The following HCN1 variants were observed in gnomAD, a reference collection of about 807,000 sequenced individuals.
HCN1 encodes the protein potassium/sodium hyperpolarization-activated cyclic nucleotide-gated channel 1.
In HCN1, 13 loss-of-function variants were observed where a neutral mutation model predicts 78.9. That is an observed-to-expected ratio of 0.16 (90% confidence interval 0.11 to 0.26). HCN1 has a LOEUF of 0.26. Ranked by LOEUF, HCN1 falls within the 10% of genes least tolerant of loss-of-function variation. HCN1 has a pLI of 1.00. For synonymous variants in HCN1, 552 were observed against 455.5 expected (o/e 1.21, Z -2.70); for missense variants, 810 against 1,154.3 (o/e 0.70, Z 4.32).
intron 2 of HCN1, among the ~76,000 whole-genome samples, chr5:45,639,741 C>T (rs989154186): frequency 6.6e-6 from 1 of 151,972 alleles, no homozygotes; most frequent in African/African-American, 2.4e-5. Flanking sequence ...TGTTTGACAC[C>T]GACTGCATAC....
chr5:45,498,058 T>C (rs949153628), intron 2 of HCN1, among the ~76,000 whole-genome samples: 2 of 152,192 alleles, frequency 1.3e-5, no homozygotes, highest in African/African-American at 4.8e-5. Context: ...CTGACAATTA[T>C]GTGTCTTGGA....
chr5:45,350,730 AACAG>A (rs1746877726), intron 5 of HCN1, among the ~76,000 whole-genome samples: 1 of 151,422 alleles, frequency 6.6e-6, no homozygotes, highest in Non-Finnish European at 1.5e-5. Flanking sequence ...ATACACCAAC[AACAG>A]ACAAACAGAG....
chr5:45,319,499 G>C (rs1746076835), intron 5 of HCN1, among the ~76,000 whole-genome samples: 1 of 151,700 alleles, frequency 6.6e-6, no homozygotes, highest in Admixed American at 6.6e-5. Flanking sequence ...TTTTTGATCA[G>C]ATGAATAGCC....
At chr5:45,457,238 G>A (rs1038621885) in intron 3 of HCN1, among the ~76,000 whole-genome samples, 13 of 151,852 alleles carry the variant, frequency 8.6e-5, no homozygotes, top group Admixed American at 1.3e-4. Flanking sequence ...AAATTAATAC[G>A]CAAGTTAACG....
At chr5:45,685,987 ATAAC>A (rs1295524321) in intron 1 of HCN1, among the ~76,000 whole-genome samples, 22 of 152,284 alleles carry the variant, frequency 1.4e-4, no homozygotes, top group African/African-American at 3.4e-4. Context: ...ACTCATACAA[ATAAC>A]TAACTCTTAA....
chr5:45,328,837 C>A, intron 5 of HCN1, among the ~76,000 whole-genome samples: 1 of 151,766 alleles, frequency 6.6e-6, no homozygotes, highest in Non-Finnish European at 1.5e-5. Flanking sequence ...AAGCACTATA[C>A]ACAATTTAGT....
At position 45,435,949 on chromosome 5, in the gene HCN1, T is replaced by C. The variant is rs1366966197; in HGVS notation, c.1011+25897A>G. Among the ~76,000 whole-genome samples the C allele has an allele frequency of 5.9e-5, 9 of 152,156 alleles. No homozygotes were observed. The East Asian group carries it at 1.3e-3, about 23-fold the overall frequency. On this transcript the variant is annotated intron_variant, in intron 3 of 7. Transcript: ENST00000303230. ...GCTTTTCACAGTGGGGTCTGTTCTA[T>C]AGACCCCCGCCAATAAAATTCCATT...
At chr5:45,616,066 T>G (rs1744943062) in intron 2 of HCN1, among the ~76,000 whole-genome samples, 1 of 151,598 alleles carries the variant, frequency 6.6e-6, no homozygotes, top group African/African-American at 2.4e-5. Context: ...ATAACAATGT[T>G]TTTCTTGAAA....
rs1242721204 is a variant in HCN1, at chr5:45,262,565, T to C, written c.2029A>G (p.Asn677Asp). Residue 677 changes from asparagine to aspartate, a missense_variant, in exon 8 of 8, where the codon AAC (asparagine) becomes GAC (aspartate). Asn to Asp is a conservative substitution (Grantham distance 23, BLOSUM62 1). Around this residue, in one of 6 missense-constraint regions of HCN1, gnomAD observed 398 missense variants for 381.3 expected, o/e 1.04. Coordinates refer to ENST00000303230, the MANE Select transcript of HCN1 (RefSeq NM_021072.4). ...VYTATSLSHS[N>D]LHSPSPSTQT... ...GTGCTGGGACTGGGGGAGTGCAGGT[T>C]GCTGTGAGACAGGCTGGTCGCTGTG... The C allele has an allele frequency of 1.9e-6, 3 of 1,613,928 alleles. No homozygotes were observed. In the South Asian group the frequency reaches 3.3e-5, roughly 18 times the overall value.
intron 3 of HCN1, among the ~76,000 whole-genome samples, chr5:45,408,846 T>C (rs1366240393): frequency 1.3e-5 from 2 of 152,148 alleles, no homozygotes; most frequent in African/African-American, 2.4e-5. Context: ...AAACGTTGTA[T>C]ATATTTTTGT....
chr5:45,363,132 TTATATATATATACATATATATA>T (rs200592797), intron 4 of HCN1, among the ~76,000 whole-genome samples: 2,396 of 116,036 alleles, frequency 0.021, 78 homozygotes, highest in African/African-American at 0.083. Context: ...ATATAACATA[TTATATATATATACATATATATA>T]TATATATATA....
intron 2 of HCN1, among the ~76,000 whole-genome samples, chr5:45,505,626 C>A (rs536969766): frequency 6.6e-6 from 1 of 152,146 alleles, no homozygotes; most frequent in Non-Finnish European, 1.5e-5. Flanking sequence ...TTATAACATT[C>A]TATTTTTGAA....
At chr5:45,277,977 A>G (rs899957164) in intron 6 of HCN1, among the ~76,000 whole-genome samples, 2 of 152,156 alleles carry the variant, frequency 1.3e-5, no homozygotes, top group African/African-American at 4.8e-5. Context: ...CTCACTTGCC[A>G]TAAAGTCTGC....
chr5:45,572,273 G>T (rs1248750556), intron 2 of HCN1, among the ~76,000 whole-genome samples: 2 of 152,130 alleles, frequency 1.3e-5, no homozygotes, highest in Non-Finnish European at 2.9e-5. Flanking sequence ...ATCTAATAAA[G>T]TAAATTACAG....
intron 3 of HCN1, among the ~76,000 whole-genome samples, chr5:45,443,894 A>G (rs1246631527): frequency 6.6e-6 from 1 of 152,146 alleles, no homozygotes; most frequent in East Asian, 1.9e-4. Flanking sequence ...TTTATGAAAG[A>G]AAAGCCACAC....
intron 2 of HCN1, among the ~76,000 whole-genome samples, chr5:45,490,185 G>A (rs568344087): frequency 2.0e-4 from 30 of 152,202 alleles, no homozygotes; most frequent in African/African-American, 7.2e-4. Context: ...AAAACTGCAA[G>A]GAAATTCACT....
intron 3 of HCN1, among the ~76,000 whole-genome samples, chr5:45,415,366 G>A (rs928416807): frequency 6.6e-6 from 1 of 151,894 alleles, no homozygotes; most frequent in East Asian, 1.9e-4. Flanking sequence ...ATAGCTTCAA[G>A]AGTAAGTTGA....
At chr5:45,298,316 T>A (rs772134046) in intron 6 of HCN1, among the ~76,000 whole-genome samples, 1 of 152,044 alleles carries the variant, frequency 6.6e-6, no homozygotes, top group African/African-American at 2.4e-5. Flanking sequence ...TCCCTCACCA[T>A]GTGATACCCT....
chr5:45,378,761 A>G (rs1747743106), intron 4 of HCN1, among the ~76,000 whole-genome samples: 1 of 152,144 alleles, frequency 6.6e-6, no homozygotes, highest in East Asian at 1.9e-4. Context: ...TCCTAATGCT[A>G]TCCCTCCCCC....
Sources: gnomAD v4.1 joint callset for allele counts (sites outside exome capture counted in the v4.1 genomes callset) on GRCh38, gnomAD v4.1.1 for gene constraint, gnomAD v4.1.1 regional missense constraint, MANE v1.5 for transcripts, NCBI Gene and HGNC (gene_info 2026-07-23, HGNC 2026-07-21) for gene names.